Variants in ERC1 observed in about 807,000 individuals in gnomAD.
ERC1 encodes the protein ELKS/RAB6-interacting/CAST family member 1, also known as RAB6 interacting protein 2.
In ERC1, 56 loss-of-function variants were observed where a neutral mutation model predicts 132.0. The ratio of observed to expected loss-of-function variants is 0.42; its 90% CI spans 0.34 to 0.53. The LOEUF (loss-of-function observed/expected upper bound fraction) is 0.53, where lower values mean the gene tolerates loss of function less well. Ranked by LOEUF, ERC1 falls within the 20% of genes least tolerant of loss-of-function variation. The pLI is 0.03. For missense variants in ERC1, 1,202 were observed against 1,349.9 expected (o/e 0.89, Z 1.72); for synonymous variants, 478 against 476.1 (o/e 1.00, Z -0.05).
At chr12:1,009,122 C>T (rs1964230061) in intron 1 of ERC1, among the ~76,000 whole-genome samples, 1 of 151,708 alleles carries the variant, frequency 6.6e-6, no homozygotes, top group African/African-American at 2.4e-5. Flanking sequence ...TCGATAAAAG[C>T]ATCTTGGTGA....
At chr12:1,232,967 A>G (rs1319435988) in intron 12 of ERC1, among the ~76,000 whole-genome samples, 2 of 152,212 alleles carry the variant, frequency 1.3e-5, no homozygotes, top group South Asian at 2.1e-4. Context: ...TAGAATACCC[A>G]TATAGGGGAA....
At chr12:1,400,914 GTA>G (rs1409629814) in intron 16 of ERC1, among the ~76,000 whole-genome samples, 9 of 11,124 alleles carry the variant, frequency 8.1e-4, no homozygotes, top group South Asian at 3.6e-3. Context: ...GGCTATTTTT[GTA>G]TTTTTTTTTT....
chr12:1,481,172 G>C (rs768147539), intron 18 of ERC1, among the ~76,000 whole-genome samples: 1 of 152,192 alleles, frequency 6.6e-6, no homozygotes, highest in African/African-American at 2.4e-5. Context: ...TTTCCAGATC[G>C]CAGTTGACTG....
chr12:1,118,002 T>C (rs1946637270), intron 7 of ERC1, among the ~76,000 whole-genome samples: 1 of 152,228 alleles, frequency 6.6e-6, no homozygotes, highest in South Asian at 2.1e-4. Flanking sequence ...AGGCATACAA[T>C]GTGAAAATAA....
At chr12:1,028,711 C>A in intron 2 of ERC1, 139 bp downstream of exon 2, 1 of 761,728 alleles carries the variant, frequency 1.3e-6, no homozygotes, top group Non-Finnish European at 2.0e-6. Context: ...GTTTTGTGTC[C>A]TCCATTTCTC....
chr12:1,300,837 AC>A (rs2080335285), intron 15 of ERC1, among the ~76,000 whole-genome samples: 1 of 152,144 alleles, frequency 6.6e-6, no homozygotes, highest in Non-Finnish European at 1.5e-5. Flanking sequence ...AGGAACTCTT[AC>A]ACACTGTCGG....
chr12:1,358,879 T>A (rs57923167), intron 15 of ERC1, among the ~76,000 whole-genome samples: 5,481 of 152,306 alleles, frequency 0.036, 365 homozygotes, highest in African/African-American at 0.13. Context: ...TTGATTTTCA[T>A]ATGCTAAATC....
intron 15 of ERC1, among the ~76,000 whole-genome samples, chr12:1,340,512 C>T (rs570366450): frequency 6.6e-6 from 1 of 152,264 alleles, no homozygotes; most frequent in Non-Finnish European, 1.5e-5. Flanking sequence ...ATTCCAGAGG[C>T]CCGTAGCAAG....
intron 3 of ERC1, among the ~76,000 whole-genome samples, chr12:1,094,486 C>G (rs970252972): frequency 6.7e-6 from 1 of 150,348 alleles, no homozygotes; most frequent in African/African-American, 2.4e-5. Context: ...TCTCAGCTCA[C>G]CTCAACCTCC....
intron 15 of ERC1, among the ~76,000 whole-genome samples, chr12:1,333,776 G>A (rs1028056079): frequency 6.6e-6 from 1 of 152,134 alleles, no homozygotes; most frequent in African/African-American, 2.4e-5. Context: ...CACAATAATG[G>A]GATTGCTGGG....
chr12:1,236,655 T>C, intron 12 of ERC1, 114 bp from the exon 13 acceptor site: 1 of 1,056,350 alleles, frequency 9.5e-7, no homozygotes, highest in South Asian at 2.0e-5. Flanking sequence ...GCAGCATGTA[T>C]TTATTCGTTG....
intron 13 of ERC1, chr12:1,244,741 G>A (rs955864258): frequency 1.8e-5 from 6 of 335,680 alleles, no homozygotes; most frequent in Non-Finnish European, 3.6e-5. Context: ...TGGCCAGGCT[G>A]GTCCTAGCAT....
intron 18 of ERC1, among the ~76,000 whole-genome samples, chr12:1,475,782 G>A (rs975031288): frequency 1.3e-5 from 2 of 152,180 alleles, no homozygotes; most frequent in African/African-American, 4.8e-5. Context: ...TGAAGCTATT[G>A]CAAGATGGTA....
intron 14 of ERC1, among the ~76,000 whole-genome samples, chr12:1,285,096 A>G (rs1038915890): frequency 6.6e-6 from 1 of 152,058 alleles, no homozygotes; most frequent in Admixed American, 6.6e-5. Flanking sequence ...AAGAGTTTTG[A>G]ATGAAGGGTA....
chr12:1,280,345 A>G (rs1299141563), intron 14 of ERC1, among the ~76,000 whole-genome samples: 1 of 152,182 alleles, frequency 6.6e-6, no homozygotes, highest in African/African-American at 2.4e-5. Context: ...GATTTATCCT[A>G]TTCAACAGAT....
At chr12:1,306,360 C>T (rs951792035) in intron 15 of ERC1, among the ~76,000 whole-genome samples, 6 of 152,146 alleles carry the variant, frequency 3.9e-5, no homozygotes, top group Non-Finnish European at 5.9e-5. Context: ...TTGCTCCACC[C>T]GTTAATACTG....
intron 8 of ERC1, among the ~76,000 whole-genome samples, chr12:1,144,446 T>A (rs1438379610): frequency 1.3e-5 from 2 of 152,002 alleles, no homozygotes; most frequent in Non-Finnish European, 2.9e-5. Context: ...TGTATCTTTC[T>A]TATGCCTTTG....
chr12:1,084,430 A>T (rs994156281), intron 3 of ERC1, among the ~76,000 whole-genome samples: 8 of 152,192 alleles, frequency 5.3e-5, no homozygotes, highest in Non-Finnish European at 1.0e-4. Flanking sequence ...AATAATTTTT[A>T]AAAATACTTC....
chr12:1,030,343 G>C (rs974899967), intron 2 of ERC1, among the ~76,000 whole-genome samples: 1 of 152,172 alleles, frequency 6.6e-6, no homozygotes, highest in East Asian at 1.9e-4. Flanking sequence ...GAAATGATCT[G>C]TGTCTCTGAT....
Sources: gnomAD v4.1 joint callset for allele counts (sites outside exome capture counted in the v4.1 genomes callset) on GRCh38, gnomAD v4.1.1 for gene constraint, MANE v1.5 for transcripts, NCBI Gene and HGNC (gene_info 2026-07-23, HGNC 2026-07-21) for gene names.